Variants in DMXL2 observed in about 807,000 individuals in gnomAD.
The protein encoded by DMXL2 is Dmx like 2.
Under a neutral mutation model 331.1 loss-of-function variants are expected in DMXL2, and 103 were observed. The ratio of observed to expected loss-of-function variants is 0.31; its 90% CI spans 0.27 to 0.37. The LOEUF (loss-of-function observed/expected upper bound fraction) is 0.37, where lower values mean the gene tolerates loss of function less well. Among genes scored for constraint, DMXL2 ranks in the 10% least tolerant of loss-of-function variants. The probability of loss-of-function intolerance (pLI) is 1.00; values close to 1 mark genes in which losing one functional copy is unlikely to be tolerated. For synonymous variants in DMXL2, 1,281 were observed against 1,252.1 expected, an observed-to-expected ratio of 1.02 and a Z score of -0.49; for missense variants, 3,171 against 3,642.9, an observed-to-expected ratio of 0.87 and a Z score of 3.33.
intron 13 of DMXL2, among the ~76,000 whole-genome samples, chr15:51,522,119 A>G (rs958945678): frequency 6.6e-6 from 1 of 152,224 alleles, no homozygotes; most frequent in Admixed American, 6.5e-5. Flanking sequence ...TTTAGGCACC[A>G]AAACAACTGT....
chr15:51,486,127 G>C lies in DMXL2; in HGVS notation c.5428C>G (p.Arg1810Gly), dbSNP rs772456119. 38 of 1,613,800 alleles carry C rather than the reference G, an allele frequency of 2.4e-5. No homozygotes were observed. Among genetic ancestry groups the C allele is most frequent in the Non-Finnish European group, 3.1e-5 (36 of 1,179,896 alleles). ...TGTTCCAGTAATGTGTCCAAGGCTC[G>C]GGTGTAATCTTTCATTACCCAATAG... ...LAYWVMKDYT[R>G]ALDTLLEQTP... Residue 1810 changes from arginine (R) to glycine (G), a missense_variant, in exon 23 of 44, where the codon CGA becomes GGA. Arg to Gly is a moderately radical substitution (Grantham distance 125). This residue lies in a region of DMXL2 where 252 missense variants were observed against 387.4 expected (regional missense o/e 0.65). Coordinates refer to ENST00000560891, the MANE Select transcript of DMXL2 (RefSeq NM_001378457.1).
chr15:51,454,459 G>A (rs2039437059), intron 40 of DMXL2, among the ~76,000 whole-genome samples: 1 of 152,094 alleles, frequency 6.6e-6, no homozygotes, highest in Non-Finnish European at 1.5e-5. Flanking sequence ...AATCTGGTAA[G>A]CACAATTCTG....
At position 51,481,076 on chromosome 15, in the gene DMXL2, T is replaced by A. The variant is rs2041973840; in HGVS notation, c.6030A>T (p.Ser2010=). ...STDAREKDKQ[S]DQKASDPNML... ...TGTTAGGGTCTGAGGCCTTCTGATCTGATTGTTTATCTTTTTCCCTGGCAT... is the reference window on the plus strand; with the variant it reads ...TGTTAGGGTCTGAGGCCTTCTGATCAGATTGTTTATCTTTTTCCCTGGCAT... Residue 2010 remains serine, a synonymous_variant, in exon 24 of 44, where the codon TCA becomes TCT. Coordinates refer to ENST00000560891, the MANE Select transcript of DMXL2 (RefSeq NM_001378457.1). 1 of 1,613,708 alleles carries A rather than the reference T, an allele frequency of 6.2e-7. No homozygotes were observed. The highest frequency in any genetic ancestry group is 8.5e-7 in the Non-Finnish European group (1 of 1,179,686).
At position 51,495,113 on chromosome 15, in the gene DMXL2, C is replaced by T. The variant is rs372546062; in HGVS notation, c.4694G>A (p.Cys1565Tyr). 3.3e-5 allele frequency: 54 copies of T among 1,612,328 alleles called. No homozygotes were observed. The highest frequency in any genetic ancestry group is 5.1e-6 in the Non-Finnish European group (6 of 1,178,702). ...CATAGCTAACAAGTATCTCAAACCA[C>T]ACTCATCTAATGTATCTCTTCCTGT... Reference protein sequence around the residue: ...SCSGRDTLDECGLRYLLAMRL... With the variant: ...SCSGRDTLDEYGLRYLLAMRL... Residue 1565 changes from cysteine to tyrosine, a missense_variant, in exon 19 of 44, where the codon TGT becomes TAT. By Grantham distance (194) the Cys-to-Tyr change is radical (BLOSUM62 -2). Transcript: ENST00000560891.
chr15:51,502,122 T>C (rs62014629), intron 17 of DMXL2, among the ~76,000 whole-genome samples: 1 of 147,286 alleles, frequency 6.8e-6, no homozygotes, highest in Non-Finnish European at 1.5e-5. Flanking sequence ...GTCCCAACTA[T>C]TCAGGAGGCT....
chr15:51,456,394 T>G (rs888810675), intron 37 of DMXL2, 25 bp from the exon 38 acceptor site: 21 of 1,404,182 alleles, frequency 1.5e-5, no homozygotes, highest in Non-Finnish European at 1.9e-5. Context: ...TTTAAAAATT[T>G]TATTTTGTGT....
intron 9 of DMXL2, among the ~76,000 whole-genome samples, chr15:51,538,896 A>T (rs551787747): frequency 5.3e-5 from 8 of 152,328 alleles, no homozygotes; most frequent in African/African-American, 1.9e-4. Context: ...TGATAGGTGT[A>T]ACTTACTTTG....
chr15:51,492,355 T>G (rs55803403), intron 19 of DMXL2, among the ~76,000 whole-genome samples: 7,344 of 152,292 alleles, frequency 0.048, 503 homozygotes, highest in African/African-American at 0.15. Flanking sequence ...GCTCTAAACT[T>G]CGTAAGAGTT....
chr15:51,611,803 C>T (rs746584053), intron 1 of DMXL2, among the ~76,000 whole-genome samples: 3 of 152,122 alleles, frequency 2.0e-5, no homozygotes, highest in African/African-American at 4.8e-5. Context: ...CACCAATCAG[C>T]GCTCTGTAAA....
At chr15:51,588,011 G>T (rs1268797143) in intron 1 of DMXL2, among the ~76,000 whole-genome samples, 2 of 152,120 alleles carry the variant, frequency 1.3e-5, no homozygotes, top group East Asian at 3.9e-4. Context: ...CTTTTTGATG[G>T]GGTTGTTTGT....
At chr15:51,552,492 G>A (rs1018277109) in intron 6 of DMXL2, among the ~76,000 whole-genome samples, 3 of 152,270 alleles carry the variant, frequency 2.0e-5, no homozygotes, top group East Asian at 1.9e-4. Flanking sequence ...TTTAATTTAC[G>A]CACAGTTAGG....
chr15:51,592,790 C>T (rs2052487773), intron 1 of DMXL2, among the ~76,000 whole-genome samples: 1 of 149,380 alleles, frequency 6.7e-6, no homozygotes, highest in African/African-American at 2.5e-5. Flanking sequence ...AATTTTCACC[C>T]AGAATTTCAT....
rs577175682 is a variant in DMXL2 at position 51,537,752 on chromosome 15, G to A, written c.1353C>T (p.Ser451=). The change falls in exon 11 of 44, where the codon TCC becomes TCT. Residue 451 remains serine, a synonymous_variant. Coordinates refer to ENST00000560891, the MANE Select transcript of DMXL2 (RefSeq NM_001378457.1). ...GLHMKLDHDL[S]LDRESEAGTG... is the part of the protein sequence containing the mutation. Reference sequence around the variant, plus strand: ...TACCTGCCTCAGATTCTCTATCCAGGGATAAATCTGAACCAGAAAATATAT... The same window carrying A: ...TACCTGCCTCAGATTCTCTATCCAGAGATAAATCTGAACCAGAAAATATAT... 45 of 1,609,548 alleles carry A rather than the reference G, an allele frequency of 2.8e-5. No individual in the cohort carries two copies. The South Asian group carries it at 4.7e-4, about 17-fold the overall frequency.
In DMXL2 at chr15:51,456,214, C is replaced by T. The variant is rs1297674957; in HGVS notation, c.8399-21G>A. 3 of 1,604,846 alleles carry T rather than the reference C, an allele frequency of 1.9e-6. No individual in the cohort carries two copies. In the East Asian group the frequency reaches 6.7e-5, roughly 36 times the overall value. ...AAGATCTGAAACACAAGAGAAAAAG[C>T]AGGAAATAAGAAATTAAAGAGTTCC... On this transcript the variant is annotated intron_variant, in intron 38 of 43. Coordinates refer to ENST00000560891, the MANE Select transcript of DMXL2 (RefSeq NM_001378457.1).
intron 13 of DMXL2, among the ~76,000 whole-genome samples, chr15:51,531,340 T>C (rs1404493956): frequency 1.3e-5 from 2 of 152,170 alleles, no homozygotes; most frequent in East Asian, 3.8e-4. Context: ...TGCAGAAGAA[T>C]AAAACCAGAC....
intron 13 of DMXL2, among the ~76,000 whole-genome samples, chr15:51,518,162 G>A (rs1181486180): frequency 6.6e-6 from 1 of 152,000 alleles, no homozygotes; most frequent in Admixed American, 6.6e-5. Flanking sequence ...GTGAAACCCC[G>A]TCTCTACTAA....
At chr15:51,580,577 T>C (rs2051340666) in intron 1 of DMXL2, among the ~76,000 whole-genome samples, 1 of 152,180 alleles carries the variant, frequency 6.6e-6, no homozygotes, top group Non-Finnish European at 1.5e-5. Context: ...AGTACTGACC[T>C]ATAAAACACT....
Position 51,547,366 on chromosome 15 carries a change from TC to T in DMXL2, c.609del (p.Trp203Ter). ...LLKVWYPMTGWKSSIIPQDHH... is the reference protein window; with the variant it reads ...LLKVWYPMTGXKSSIIPQDHH... ...TGATCCTGAGGTATAATTGAAGACT[TC>T]CAACCAGTCATAGGATACCACACTT... On this transcript the variant is annotated frameshift_variant, in exon 7 of 44. Coordinates refer to ENST00000560891, the MANE Select transcript of DMXL2 (RefSeq NM_001378457.1). LOFTEE classifies it high-confidence loss of function. 1 of 1,611,112 alleles carries T rather than the reference TC, an allele frequency of 6.2e-7. No individual in the cohort carries two copies. Among genetic ancestry groups the T allele is most frequent in the Non-Finnish European group, 8.5e-7 (1 of 1,178,672 alleles).
chr15:51,592,568 G>C (rs555408872), intron 1 of DMXL2, among the ~76,000 whole-genome samples: 1 of 152,038 alleles, frequency 6.6e-6, no homozygotes, highest in Non-Finnish European at 1.5e-5. Context: ...TACAGAGAAC[G>C]CCACAAAGAT....
Sources: allele counts gnomAD v4.1 joint callset (sites outside exome capture counted in the v4.1 genomes callset), GRCh38; gene constraint gnomAD v4.1.1; regional missense constraint gnomAD v4.1.1; transcripts MANE v1.5; gene names NCBI Gene and HGNC (gene_info 2026-07-23, HGNC 2026-07-21).